The following ZDHHC11B variants were observed in gnomAD, a reference collection of about 807,000 sequenced individuals.
ZDHHC11B encodes probable palmitoyltransferase ZDHHC11B.
Under a neutral mutation model 42.3 loss-of-function variants are expected in ZDHHC11B, and 17 were observed. The observed-to-expected ratio is 0.40, with a 90% CI of 0.27 to 0.60. The LOEUF (loss-of-function observed/expected upper bound fraction) is 0.60. Ranked by LOEUF, ZDHHC11B falls within the 20% of genes least tolerant of loss-of-function variation. ZDHHC11B has a pLI of 0.41. For synonymous variants in ZDHHC11B, 123 were observed against 193.5 expected, an observed-to-expected ratio of 0.64 and a Z score of 3.02; for missense variants, 262 against 463.2, an observed-to-expected ratio of 0.57 and a Z score of 3.99.
intron 4 of ZDHHC11B, among the ~76,000 whole-genome samples, chr5:765,305 G>C (rs1187127145): frequency 6.6e-6 from 1 of 151,454 alleles, no homozygotes; most frequent in African/African-American, 2.4e-5. Flanking sequence ...AGCTAATCTG[G>C]TGGGGACTTG....
Position 713,705 on chromosome 5 carries a change from C to T in ZDHHC11B, c.*8-1423G>A, listed in dbSNP as rs1343785995. On this transcript the variant is annotated intron_variant, in intron 13 of 13. Transcript: ENST00000508859. Reference sequence around the variant, plus strand: ...ACACAAATTTAGGGAGAACCTGTTGCTCCAAATACTCGGCAGTGATTTTTC... The same window carrying T: ...ACACAAATTTAGGGAGAACCTGTTGTTCCAAATACTCGGCAGTGATTTTTC... Among the ~76,000 whole-genome samples, 5 of 152,172 alleles carry T rather than the reference C, an allele frequency of 3.3e-5. No homozygotes were observed. In the East Asian group the frequency reaches 5.8e-4, roughly 18 times the overall value.
chr5:772,193 AGAGATGCGGACG>A, intron 1 of ZDHHC11B, among the ~76,000 whole-genome samples: 1 of 149,904 alleles, frequency 6.7e-6, no homozygotes, highest in Non-Finnish European at 1.5e-5. Flanking sequence ...GTGCGTGAGC[AGAGATGCGGACG>A]GGTGGGAGTC....
At chr5:733,714 C>T (rs1341052808) in intron 11 of ZDHHC11B, 38 bp downstream of exon 11, 20 of 1,574,142 alleles carry the variant, frequency 1.3e-5, no homozygotes, top group Non-Finnish European at 1.7e-5. Context: ...TGCACACGGC[C>T]CTGTCCTCAG....
chr5:780,583 G>T (rs1343654902), intron 1 of ZDHHC11B, among the ~76,000 whole-genome samples: 1 of 135,274 alleles, frequency 7.4e-6, no homozygotes, highest in Non-Finnish European at 1.5e-5. Flanking sequence ...GAAAACGGAC[G>T]GTAAGACCCC....
At chr5:730,553 A>G in intron 11 of ZDHHC11B, 85 bp from the exon 12 acceptor site, 1 of 1,383,112 alleles carries the variant, frequency 7.2e-7, no homozygotes, top group East Asian at 2.6e-5. Context: ...ATTCAAGTTC[A>G]TTACTAGTCA....
chr5:763,719 T>A (rs1579414412), intron 4 of ZDHHC11B, among the ~76,000 whole-genome samples: 1 of 151,990 alleles, frequency 6.6e-6, no homozygotes, highest in Middle Eastern at 3.4e-3. Flanking sequence ...GCCACATGGA[T>A]AAGAACGAAT....
chr5:767,559 C>G (rs1275845741), intron 2 of ZDHHC11B, 35 bp from the exon 3 acceptor site: 7 of 1,396,274 alleles, frequency 5.0e-6, no homozygotes, highest in Non-Finnish European at 6.9e-6. Flanking sequence ...CATCACTGGA[C>G]TCACTGGAAG....
At chr5:758,146 G>A (rs765310754) in intron 4 of ZDHHC11B, among the ~76,000 whole-genome samples, 2 of 151,852 alleles carry the variant, frequency 1.3e-5, no homozygotes, top group African/African-American at 4.8e-5. Flanking sequence ...TGTGGTCACC[G>A]GGGCAACAGG....
intron 4 of ZDHHC11B, among the ~76,000 whole-genome samples, chr5:761,732 G>A: frequency 6.6e-6 from 1 of 151,860 alleles, no homozygotes; most frequent in Non-Finnish European, 1.5e-5. Context: ...CACACTCAGG[G>A]CCTCTCAGAA....
intron 13 of ZDHHC11B, among the ~76,000 whole-genome samples, chr5:713,862 T>G (rs1741546509): frequency 6.7e-6 from 1 of 149,862 alleles, no homozygotes; most frequent in Non-Finnish European, 1.5e-5. Flanking sequence ...CTTTAAGAGA[T>G]TACTGATTGG....
intron 1 of ZDHHC11B, among the ~76,000 whole-genome samples, chr5:777,937 TGGCGGTC>T (rs1190033117): frequency 9.9e-5 from 15 of 151,876 alleles, no homozygotes; most frequent in East Asian, 5.8e-4. Context: ...GGCCTCGGCA[TGGCGGTC>T]GGCGGGTCCC....
In ZDHHC11B at chr5:751,811, C is replaced by T. The variant is rs1236893612; in HGVS notation, c.504-554G>A. Among the ~76,000 whole-genome samples the T allele has an allele frequency of 4.9e-5, 6 of 123,362 alleles. 1 individual carries two copies. The highest frequency in any genetic ancestry group is 7.2e-5 in the Non-Finnish European group (4 of 55,240). 80.9% of individuals were successfully genotyped at this position (123,362 alleles called of 152,430 possible). On this transcript the variant is annotated intron_variant, in intron 6 of 13. Transcript: ENST00000508859. ...CCGTGGGACATTCCCACCAGCACAC[C>T]GCCTGACAATTCAGGCAGTGCTTCT...
chr5:743,759 G>A (rs1744429444), intron 9 of ZDHHC11B, among the ~76,000 whole-genome samples: 1 of 149,952 alleles, frequency 6.7e-6, no homozygotes, highest in Admixed American at 6.7e-5. Flanking sequence ...CTTGTTAAGT[G>A]ATTTAATTAT....
chr5:771,717 T>C (rs1325024092), intron 1 of ZDHHC11B, among the ~76,000 whole-genome samples: 1 of 151,538 alleles, frequency 6.6e-6, no homozygotes, highest in Non-Finnish European at 1.5e-5. Flanking sequence ...GAAGCAATGG[T>C]GGGTTTTGTG....
At chr5:783,927 G>T (rs1483403062) in intron 1 of ZDHHC11B, among the ~76,000 whole-genome samples, 1 of 150,008 alleles carries the variant, frequency 6.7e-6, no homozygotes, top group South Asian at 2.1e-4. Flanking sequence ...TGCCCGGGAG[G>T]GACAGGCTTC....
Position 721,129 on chromosome 5 carries a change from A to G in ZDHHC11B, c.1059-4264T>C, listed in dbSNP as rs139546905. 7.6e-3 allele frequency among the ~76,000 whole-genome samples: 1,146 copies of G among 151,548 alleles called. 18 individuals carry two copies. The highest frequency in any genetic ancestry group is 0.019 in the South Asian group (89 of 4,782). On this transcript the variant is annotated intron_variant, in intron 12 of 13. Coordinates refer to ENST00000508859, the MANE Select transcript of ZDHHC11B (RefSeq NM_001351303.2). ...AAAAAAAAATCTAAGTTGGTATTCA[A>G]ACTAGGGTGTTATACATTTAAGACA...
chr5:776,103 A>G (rs1579460534), intron 1 of ZDHHC11B, among the ~76,000 whole-genome samples: 2 of 149,770 alleles, frequency 1.3e-5, no homozygotes, highest in Non-Finnish European at 3.0e-5. Flanking sequence ...AGCACCCTCC[A>G]CCCCAGGCTG....
intron 6 of ZDHHC11B, among the ~76,000 whole-genome samples, chr5:752,863 C>T: frequency 8.3e-6 from 1 of 119,772 alleles, no homozygotes; most frequent in Non-Finnish European, 1.9e-5. Flanking sequence ...CCCTCATCCT[C>T]ATCCTACTGT....
chr5:748,408 G>A lies in ZDHHC11B; in HGVS notation c.780C>T (p.Tyr260=). ...QLGQLLIFHI[Y]LKAKKMTTFE... Reference sequence around the variant, plus strand: ...GGCTTAGGGTGGGGGACATACTCAGGTAGATGTGGAAGATGAGCAGCTGGC... The same window carrying A: ...GGCTTAGGGTGGGGGACATACTCAGATAGATGTGGAAGATGAGCAGCTGGC... The change falls in exon 8 of 14, where the codon TAC becomes TAT. Residue 260 remains tyrosine, a synonymous_variant. Coordinates refer to ENST00000508859, the MANE Select transcript of ZDHHC11B (RefSeq NM_001351303.2). The A allele has an allele frequency of 7.4e-7, 1 of 1,355,276 alleles. No individual in the cohort carries two copies. The allele number at this position is 1,355,276 out of a possible 1,614,324, so 84.0% of individuals were successfully genotyped here.
Sources: gnomAD v4.1 joint callset for allele counts (sites outside exome capture counted in the v4.1 genomes callset) on GRCh38, gnomAD v4.1.1 for gene constraint, MANE v1.5 for transcripts, NCBI Gene and HGNC (gene_info 2026-07-23, HGNC 2026-07-21) for gene names.